LHFPL3: variants seen among roughly 807,000 people sequenced by gnomAD.
LHFPL3 encodes the protein LHFPL tetraspan subfamily member 3 protein.
In LHFPL3, 5 loss-of-function variants were observed where a neutral mutation model predicts 19.3. The observed-to-expected ratio is 0.26, with a 90% CI of 0.14 to 0.54. LHFPL3 has a LOEUF of 0.54. LHFPL3 is among the 20% of genes least tolerant of loss of function. The pLI is 0.94. For synonymous variants in LHFPL3, 133 were observed against 126.2 expected, an observed-to-expected ratio of 1.05 and a Z score of -0.36; for missense variants, 249 against 307.4, an observed-to-expected ratio of 0.81 and a Z score of 1.42.
At chr7:104,851,595 G>A (rs1203983327) in intron 2 of LHFPL3, among the ~76,000 whole-genome samples, 1 of 152,184 alleles carries the variant, frequency 6.6e-6, no homozygotes, top group East Asian at 1.9e-4. Flanking sequence ...AGATTGTTGT[G>A]AATATAAAGT....
At chr7:104,502,583 G>T (rs1189246656) in intron 1 of LHFPL3, among the ~76,000 whole-genome samples, 1 of 152,128 alleles carries the variant, frequency 6.6e-6, no homozygotes, top group Non-Finnish European at 1.5e-5. Flanking sequence ...AGAAGATTGT[G>T]CTTGTGGTTC....
intron 1 of LHFPL3, among the ~76,000 whole-genome samples, chr7:104,590,031 T>C (rs1389084556): frequency 1.3e-5 from 2 of 152,220 alleles, no homozygotes; most frequent in Non-Finnish European, 2.9e-5. Flanking sequence ...GCTAGCGGTC[T>C]ATCAATTTTG....
At chr7:104,394,307 C>G (rs1448288956) in intron 1 of LHFPL3, among the ~76,000 whole-genome samples, 1 of 152,168 alleles carries the variant, frequency 6.6e-6, no homozygotes, top group Non-Finnish European at 1.5e-5. Flanking sequence ...ATCTGTGCCT[C>G]TGGTCCTCAA....
chr7:104,902,514 C>T (rs1036307489), intron 2 of LHFPL3, among the ~76,000 whole-genome samples: 4 of 151,656 alleles, frequency 2.6e-5, no homozygotes, highest in Non-Finnish European at 4.4e-5. Context: ...AGGCCGGGTG[C>T]GGTGGCTCAC....
intron 2 of LHFPL3, among the ~76,000 whole-genome samples, chr7:104,848,382 A>T (rs1791352497): frequency 6.6e-6 from 1 of 152,112 alleles, no homozygotes; most frequent in African/African-American, 2.4e-5. Context: ...GGAAAATGGC[A>T]TTCTTGGGCA....
At chr7:104,580,728 C>G (rs1031230229) in intron 1 of LHFPL3, among the ~76,000 whole-genome samples, 1 of 152,038 alleles carries the variant, frequency 6.6e-6, no homozygotes, top group African/African-American at 2.4e-5. Context: ...CCCTCAGCAA[C>G]TTGTCTTGAT....
At chr7:104,572,723 G>T (rs896580079) in intron 1 of LHFPL3, among the ~76,000 whole-genome samples, 1 of 152,124 alleles carries the variant, frequency 6.6e-6, no homozygotes, top group Admixed American at 6.5e-5. Flanking sequence ...ACTAAAGTAG[G>T]TCAGTGTTTT....
rs1386256474 is a variant in LHFPL3 at position 104,476,990 on chromosome 7, TTTTG to T, written c.445+147778_445+147781del. Among the ~76,000 whole-genome samples, 4 of 152,130 alleles carry T rather than the reference TTTTG, an allele frequency of 2.6e-5. No homozygotes were observed. In the South Asian group the frequency reaches 6.2e-4, roughly 24 times the overall value. ...ATCTCCATAGGACAAAATTCTGCTT[TTTTG>T]TTTGTTTGTTTTTTAATACAAAGTC... On this transcript the variant is annotated intron_variant, in intron 1 of 2. Transcript: ENST00000424859.
chr7:104,826,755 A>G (rs1486727971), intron 2 of LHFPL3: 2 of 158,538 alleles, frequency 1.3e-5, no homozygotes, highest in Non-Finnish European at 2.8e-5. Context: ...CCATAATCTC[A>G]AACCCTGTGG....
At chr7:104,905,969 A>C (rs1361466217) in intron 2 of LHFPL3, among the ~76,000 whole-genome samples, 1 of 152,330 alleles carries the variant, frequency 6.6e-6, no homozygotes, top group Non-Finnish European at 1.5e-5. Context: ...GGGAATACTC[A>C]TGTTCTTCTT....
intron 2 of LHFPL3, among the ~76,000 whole-genome samples, chr7:104,887,132 T>C (rs1792164785): frequency 6.6e-6 from 1 of 152,228 alleles, no homozygotes; most frequent in African/African-American, 2.4e-5. Flanking sequence ...CCCACAAAGA[T>C]GGGCACTGAC....
At chr7:104,428,679 TTA>T (rs1284145073) in intron 1 of LHFPL3, among the ~76,000 whole-genome samples, 1 of 152,232 alleles carries the variant, frequency 6.6e-6, no homozygotes. Flanking sequence ...CACTTAGGAT[TTA>T]TAAAATAACT....
intron 1 of LHFPL3, among the ~76,000 whole-genome samples, chr7:104,664,226 G>T (rs537529271): frequency 1.3e-5 from 2 of 151,916 alleles, no homozygotes; most frequent in African/African-American, 4.8e-5. Flanking sequence ...TAACCCAAAG[G>T]TTAAATTTTT....
intron 1 of LHFPL3, among the ~76,000 whole-genome samples, chr7:104,548,619 A>G (rs1794613241): frequency 6.6e-6 from 1 of 152,212 alleles, no homozygotes; most frequent in African/African-American, 2.4e-5. Context: ...CTGGAGAAAA[A>G]TACGTTCTCT....
intron 1 of LHFPL3, among the ~76,000 whole-genome samples, chr7:104,530,147 G>C (rs931190631): frequency 6.6e-6 from 1 of 152,180 alleles, no homozygotes; most frequent in Non-Finnish European, 1.5e-5. Flanking sequence ...TGATAGGACT[G>C]ACTAATCATC....
At chr7:104,333,261 T>G (rs781578470) in intron 1 of LHFPL3, among the ~76,000 whole-genome samples, 18 of 152,214 alleles carry the variant, frequency 1.2e-4, no homozygotes, top group Middle Eastern at 3.2e-3. Flanking sequence ...AAAGAAATCT[T>G]TAGTTTTCTT....
intron 2 of LHFPL3, among the ~76,000 whole-genome samples, chr7:104,781,161 T>G (rs764316618): frequency 3.9e-4 from 59 of 152,334 alleles, no homozygotes; most frequent in South Asian, 1.2e-3. Flanking sequence ...ACAAATTTTC[T>G]TTGTTTCTCT....
intron 1 of LHFPL3, among the ~76,000 whole-genome samples, chr7:104,649,016 C>T (rs563383550): frequency 6.6e-6 from 1 of 152,368 alleles, no homozygotes; most frequent in South Asian, 2.1e-4. Context: ...TTTTCCTACA[C>T]TCCTTGTTTT....
intron 1 of LHFPL3, among the ~76,000 whole-genome samples, chr7:104,603,458 GTTCTCCTCAAAA>G (rs1791026459): frequency 6.6e-6 from 1 of 152,110 alleles, no homozygotes; most frequent in South Asian, 2.1e-4. Context: ...CAAAATTCAT[GTTCTCCTCAAAA>G]TGCAAAATAC....
Sources: gnomAD v4.1 joint callset for allele counts (sites outside exome capture counted in the v4.1 genomes callset) on GRCh38, gnomAD v4.1.1 for gene constraint, MANE v1.5 for transcripts, NCBI Gene and HGNC (gene_info 2026-07-23, HGNC 2026-07-21) for gene names.